Variants in NDUFA5 observed in about 807,000 individuals in gnomAD.
NDUFA5 encodes NADH:ubiquinone oxidoreductase subunit A5, also known as NADH dehydrogenase [ubiquinone] 1 alpha subcomplex subunit 5.
A neutral mutation model predicts 19.8 loss-of-function variants in NDUFA5; 11 were observed. The observed-to-expected ratio is 0.56, with a 90% CI of 0.35 to 0.92. The LOEUF (loss-of-function observed/expected upper bound fraction) is 0.92. Among genes scored for constraint, NDUFA5 ranks in the 40% least tolerant of loss-of-function variants. NDUFA5 has a pLI of 0.01. For missense variants in NDUFA5, 109 were observed against 134.2 expected (o/e 0.81, Z 0.93); for synonymous variants, 47 against 46.8 (o/e 1.00, Z -0.01).
chr7:123,567,664 G>A, the NDUFA5 span, among the ~76,000 whole-genome samples: 1 of 152,132 alleles, frequency 6.6e-6, no homozygotes, highest in Admixed American at 6.5e-5. Flanking sequence ...CAGGAAGAAA[G>A]CATCTCAATT....
chr7:123,592,761 G>C, the NDUFA5 span, among the ~76,000 whole-genome samples: 1 of 152,292 alleles, frequency 6.6e-6, no homozygotes, highest in African/African-American at 2.4e-5. Flanking sequence ...TGTATATTCT[G>C]TTGATTTGGG....
chr7:123,550,299 T>C, intron 3 of NDUFA5, 171 bp downstream of exon 3: 1 of 554,886 alleles, frequency 1.8e-6, no homozygotes, highest in South Asian at 2.0e-5. Context: ...GGCCTGCATA[T>C]AGAAAACACT....
At chr7:123,594,835 G>T in the NDUFA5 span, among the ~76,000 whole-genome samples, 33,980 of 152,108 alleles carry the variant, frequency 0.22, 4,299 homozygotes, top group East Asian at 0.28. Context: ...AGGCAGGGAC[G>T]TTTAAGCCTG....
chr7:123,570,422 C>T, the NDUFA5 span, among the ~76,000 whole-genome samples: 5 of 152,056 alleles, frequency 3.3e-5, no homozygotes, highest in African/African-American at 9.7e-5. Flanking sequence ...TCCCTTCCAC[C>T]GAGAGTGGCA....
chr7:123,596,538 G>T, the NDUFA5 span: 1 of 152,244 alleles, frequency 6.6e-6, no homozygotes, highest in Non-Finnish European at 1.5e-5. Context: ...CTTGAGCCTG[G>T]GAGGCGGAGG....
At chr7:123,550,377 AG>A (rs1338314254) in intron 3 of NDUFA5, 92 bp downstream of exon 3, 4 of 742,100 alleles carry the variant, frequency 5.4e-6, no homozygotes, top group East Asian at 5.1e-5. Context: ...GAAGGAGAAT[AG>A]AAGAAAAGTG....
the NDUFA5 span, among the ~76,000 whole-genome samples, chr7:123,580,063 GA>G: frequency 6.6e-6 from 1 of 152,068 alleles, no homozygotes; most frequent in African/African-American, 2.4e-5. Context: ...GAGGAAAAGA[GA>G]TTGGCGGGAT....
the NDUFA5 span, among the ~76,000 whole-genome samples, chr7:123,565,610 G>A: frequency 6.6e-6 from 1 of 152,202 alleles, no homozygotes; most frequent in Non-Finnish European, 1.5e-5. Flanking sequence ...GCCGGGTGCG[G>A]TGGCTCACGC....
chr7:123,557,736 C>A (rs753062394), intron 1 of NDUFA5, 39 bp downstream of exon 1: 2 of 1,613,942 alleles, frequency 1.2e-6, no homozygotes, highest in East Asian at 2.2e-5. Context: ...AGTCTACCCC[C>A]ACAGTCTAAA....
At chr7:123,592,394 T>A in the NDUFA5 span, among the ~76,000 whole-genome samples, 3 of 152,236 alleles carry the variant, frequency 2.0e-5, no homozygotes, top group Non-Finnish European at 4.4e-5. Context: ...TTATTTTAGA[T>A]CTTTCCTGCT....
the NDUFA5 span, among the ~76,000 whole-genome samples, chr7:123,595,978 A>G: frequency 6.6e-6 from 1 of 152,218 alleles, no homozygotes; most frequent in Admixed American, 6.5e-5. Flanking sequence ...GCTTTATTTG[A>G]ATGGTAATTA....
intron 3 of NDUFA5, among the ~76,000 whole-genome samples, chr7:123,547,947 T>C (rs1798196438): frequency 6.6e-6 from 1 of 152,114 alleles, no homozygotes; most frequent in Non-Finnish European, 1.5e-5. Flanking sequence ...GGTATTATTA[T>C]ACCCACGTTA....
At chr7:123,597,924 G>GTGTGTA in the NDUFA5 span, among the ~76,000 whole-genome samples, 2,728 of 146,802 alleles carry the variant, frequency 0.019, 35 homozygotes, top group Non-Finnish European at 0.02. Context: ...CTTCGTGTGT[G>GTGTGTA]TGTGTGTGTG....
At chr7:123,547,907 A>G (rs562874321) in intron 3 of NDUFA5, among the ~76,000 whole-genome samples, 14 of 152,144 alleles carry the variant, frequency 9.2e-5, no homozygotes, top group Non-Finnish European at 1.9e-4. Flanking sequence ...GCATTACCTC[A>G]TTCGGTTCTA....
In NDUFA5 at chr7:123,539,617, GGA is replaced by G. The variant is rs1415564801; in HGVS notation, c.*2500_*2501del. The G allele has an allele frequency of 6.6e-6, 1 of 152,162 alleles. No individual in the cohort carries two copies. Among genetic ancestry groups the G allele is most frequent in the African/African-American group, 2.4e-5 (1 of 41,434 alleles). The allele number at this position is 152,162 out of a possible 1,614,324, so 9.4% of individuals were successfully genotyped here. On this transcript the variant is annotated 3_prime_UTR_variant, in exon 5 of 5. Coordinates refer to ENST00000355749, the MANE Select transcript of NDUFA5 (RefSeq NM_005000.5). ...AAAAGAATCATTTGCAAAGTGATCAGGAGACTTAACCTGGATGTTTATAGGAA... is the reference window on the plus strand; with the variant it reads ...AAAAGAATCATTTGCAAAGTGATCAGGACTTAACCTGGATGTTTATAGGAA...
the NDUFA5 span, among the ~76,000 whole-genome samples, chr7:123,590,164 GTTGT>G: frequency 2.6e-5 from 4 of 152,072 alleles, no homozygotes; most frequent in African/African-American, 9.7e-5. Context: ...TGTTGATGGG[GTTGT>G]TTGTTTTTTT....
chr7:123,542,202 G>C lies in NDUFA5; in HGVS notation c.268C>G (p.Leu90Val). The C allele has an allele frequency of 1.2e-6, 2 of 1,611,280 alleles. No homozygotes were observed. The highest frequency in any genetic ancestry group is 1.7e-4 in the Middle Eastern group (1 of 6,028). The change falls in exon 5 of 5, where the codon CTG (leucine) becomes GTG (valine). Residue 90 changes from leucine (L) to valine (V), a missense_variant. Transcript: ENST00000355749. ...TTCCATTCCCTCATTTTTCTTGCCA[G>C]ATTTAGTTCATGTTCAGCCTGTTAA... ...VILQAEHELN[L>V]ARKMREWKLW...
At chr7:123,553,322 C>G (rs1006251570) in intron 2 of NDUFA5, among the ~76,000 whole-genome samples, 1 of 152,226 alleles carries the variant, frequency 6.6e-6, no homozygotes, top group South Asian at 2.1e-4. Flanking sequence ...GCTTGTCTTA[C>G]ATGGCAGGAA....
chr7:123,592,314 T>C, the NDUFA5 span, among the ~76,000 whole-genome samples: 917 of 152,342 alleles, frequency 6.0e-3, 11 homozygotes, highest in Non-Finnish European at 8.8e-3. Context: ...TAGTTATTTC[T>C]TGTCTTCTGC....
Sources: allele counts gnomAD v4.1 joint callset (sites outside exome capture counted in the v4.1 genomes callset), GRCh38; gene constraint gnomAD v4.1.1; transcripts MANE v1.5; gene names NCBI Gene and HGNC (gene_info 2026-07-23, HGNC 2026-07-21).